Variants in ASB7 observed in about 807,000 individuals in gnomAD.
The protein encoded by ASB7 is ankyrin repeat and SOCS box containing 7, also known as ankyrin repeat and SOCS box protein 7.
Under a neutral mutation model 32.5 loss-of-function variants are expected in ASB7, and 4 were observed. The observed-to-expected ratio is 0.12, with a 90% CI of 0.06 to 0.28. The LOEUF is 0.28. ASB7 is among the 10% of genes least tolerant of loss of function. The pLI, the probability that ASB7 is intolerant of heterozygous loss-of-function variation, is 1.00. For missense variants in ASB7, 181 were observed against 407.1 expected (o/e 0.44, Z 4.78); for synonymous variants, 172 against 155.6 (o/e 1.11, Z -0.78).
intron 2 of ASB7, among the ~76,000 whole-genome samples, chr15:100,605,916 G>C (rs2039640838): frequency 6.6e-6 from 1 of 152,220 alleles, no homozygotes; most frequent in Non-Finnish European, 1.5e-5. Flanking sequence ...TGGATAAGTT[G>C]TGCATGGTAA....
At chr15:100,635,873 A>G (rs935430319) in intron 5 of ASB7, among the ~76,000 whole-genome samples, 2 of 152,156 alleles carry the variant, frequency 1.3e-5, no homozygotes, top group Non-Finnish European at 2.9e-5. Context: ...GTTCTGAGAA[A>G]GTCTTTCCCC....
chr15:100,650,387 A>G lies in ASB7; in HGVS notation c.*1925A>G, dbSNP rs908803586. On this transcript the variant is annotated 3_prime_UTR_variant, in exon 6 of 6. Transcript: ENST00000332783. Reference sequence around the variant, plus strand: ...AGTTCACACTAGCACTGTTAGGGACATGGTGTGGCTAGAAATGAATTGAGT... The same window carrying G: ...AGTTCACACTAGCACTGTTAGGGACGTGGTGTGGCTAGAAATGAATTGAGT... 6.6e-6 allele frequency: 1 copy of G among 152,244 alleles called. No individual in the cohort carries two copies. Among genetic ancestry groups the G allele is most frequent in the African/African-American group, 2.4e-5 (1 of 41,462 alleles). 9.4% of individuals were successfully genotyped at this position (152,244 alleles called of 1,614,324 possible).
chr15:100,630,470 T>G (rs779973156), intron 5 of ASB7, among the ~76,000 whole-genome samples: 2 of 152,236 alleles, frequency 1.3e-5, no homozygotes, highest in Non-Finnish European at 2.9e-5. Flanking sequence ...TGTGCTTTAT[T>G]GCTAAGTTGT....
Position 100,630,472 on chromosome 15 carries a change from C to T in ASB7, c.817+430C>T, listed in dbSNP as rs74894958. On this transcript the variant is annotated intron_variant, in intron 5 of 5. Transcript: ENST00000332783. ...ATATCCTAGAATTTGTGCTTTATTG[C>T]TAAGTTGTTCACGTTTTAATTGTGG... Among the ~76,000 whole-genome samples the T allele has an allele frequency of 4.7e-3, 718 of 152,276 alleles. 2 individuals carry two copies. Among genetic ancestry groups the T allele is most frequent in the African/African-American group, 0.016 (682 of 41,528 alleles).
intron 5 of ASB7, among the ~76,000 whole-genome samples, chr15:100,642,236 T>C (rs778091166): frequency 6.6e-6 from 1 of 152,234 alleles, no homozygotes. Context: ...GTGAGGATGG[T>C]AGCATTTCTG....
chr15:100,618,089 T>G (rs2039759581), intron 4 of ASB7, among the ~76,000 whole-genome samples: 1 of 152,142 alleles, frequency 6.6e-6, no homozygotes, highest in African/African-American at 2.4e-5. Flanking sequence ...CCTGTTACTT[T>G]CAAAACAGTA....
intron 5 of ASB7, among the ~76,000 whole-genome samples, chr15:100,641,966 C>G (rs938195723): frequency 2.0e-5 from 3 of 152,156 alleles, no homozygotes; most frequent in Non-Finnish European, 1.5e-5. Flanking sequence ...GGCCAGGAGC[C>G]AAATCCAGGC....
In ASB7 at chr15:100,631,162, G is replaced by A. The variant is rs78252316; in HGVS notation, c.817+1120G>A. ...CTAAAGCGTAAGAAAAAATCACACT[G>A]CTTAGTCTACTTAGTGCTGGCCAGT... On this transcript the variant is annotated intron_variant, in intron 5 of 5. Coordinates refer to ENST00000332783, the MANE Select transcript of ASB7 (RefSeq NM_198243.3). Among the ~76,000 whole-genome samples, 449 of 152,262 alleles carry A rather than the reference G, an allele frequency of 2.9e-3. 1 individual carries two copies. Among genetic ancestry groups the A allele is most frequent in the African/African-American group, 0.01 (424 of 41,558 alleles).
In ASB7 at chr15:100,602,938, G is replaced by T. The variant is rs1481489401; in HGVS notation, c.-381G>T. 2.5e-6 allele frequency: 1 copy of T among 399,032 alleles called. No individual in the cohort carries two copies. Among genetic ancestry groups the T allele is most frequent in the Non-Finnish European group, 4.4e-6 (1 of 226,388 alleles). The allele number at this position is 399,032 out of a possible 1,614,324, so 24.7% of individuals were successfully genotyped here. A position where few individuals can be genotyped will look rare whatever the true frequency, so the allele number is the denominator to read the frequency against. On this transcript the variant is annotated 5_prime_UTR_variant, in exon 1 of 6. Transcript: ENST00000332783. The stretch of plus-strand genomic sequence containing the variant: ...GCTGGGGCCGTGAGGCACCGAGGAG[G>T]ATCAGGAACACCAGGGTCCGGCCCT...
intron 4 of ASB7, among the ~76,000 whole-genome samples, chr15:100,618,621 T>G (rs1020714664): frequency 4.2e-4 from 39 of 93,856 alleles, no homozygotes; most frequent in Non-Finnish European, 9.8e-4. Context: ...GCTGTGTGTG[T>G]GGTGTGTGTG....
intron 4 of ASB7, among the ~76,000 whole-genome samples, chr15:100,621,738 CAG>C (rs1203801287): frequency 2.0e-5 from 3 of 150,870 alleles, no homozygotes; most frequent in Non-Finnish European, 4.4e-5. Context: ...AAATAATAAA[CAG>C]AATAATTGAA....
At chr15:100,640,336 G>A (rs2039952734) in intron 5 of ASB7, among the ~76,000 whole-genome samples, 1 of 152,120 alleles carries the variant, frequency 6.6e-6, no homozygotes, top group Non-Finnish European at 1.5e-5. Flanking sequence ...GTAGAGATGG[G>A]GTTTCGCCAT....
chr15:100,630,937 A>G (rs1451044998), intron 5 of ASB7, among the ~76,000 whole-genome samples: 3 of 152,322 alleles, frequency 2.0e-5, no homozygotes, highest in African/African-American at 4.8e-5. Flanking sequence ...GGTCATTATT[A>G]TACAAGAGGA....
rs2040025327 is a variant in ASB7 at position 100,650,591 on chromosome 15, G to C, written c.*2129G>C. 6.6e-6 allele frequency: 1 copy of C among 152,106 alleles called. No homozygotes were observed. Among genetic ancestry groups the C allele is most frequent in the African/African-American group, 2.4e-5 (1 of 41,422 alleles). 9.4% of individuals were successfully genotyped at this position (152,106 alleles called of 1,614,324 possible). A position where few individuals can be genotyped will look rare whatever the true frequency, so the allele number is the denominator to read the frequency against. On this transcript the variant is annotated 3_prime_UTR_variant, in exon 6 of 6. Transcript: ENST00000332783. ...ATTTTCTCTCCCCAGCCATTCAGAG[G>C]TTTCCAAACTAAGCCACTGAGTTTG...
At position 100,620,698 on chromosome 15, in the gene ASB7, T is replaced by C. The variant is rs144405667; in HGVS notation, c.211+8271T>C. On this transcript the variant is annotated intron_variant, in intron 4 of 5. Coordinates refer to ENST00000332783, the MANE Select transcript of ASB7 (RefSeq NM_198243.3). ...AGAATCGTGATGGAAGAGTCTCTATTATAAGGGTGGAAATTGTAACAAACT... is the reference window on the plus strand; with the variant it reads ...AGAATCGTGATGGAAGAGTCTCTATCATAAGGGTGGAAATTGTAACAAACT... Among the ~76,000 whole-genome samples, 306 of 152,332 alleles carry C rather than the reference T, an allele frequency of 2.0e-3. 1 individual carries two copies. Among genetic ancestry groups the C allele is most frequent in the Non-Finnish European group, 3.3e-3 (226 of 68,036 alleles).
At chr15:100,641,463 G>A (rs1260488746) in intron 5 of ASB7, among the ~76,000 whole-genome samples, 1 of 152,182 alleles carries the variant, frequency 6.6e-6, no homozygotes, top group African/African-American at 2.4e-5. Context: ...AGCAATACTG[G>A]TACATGGCAA....
intron 5 of ASB7, among the ~76,000 whole-genome samples, chr15:100,639,245 TA>T (rs1295126199): frequency 6.6e-6 from 1 of 152,246 alleles, no homozygotes; most frequent in South Asian, 2.1e-4. Flanking sequence ...GTACTTAAAC[TA>T]GGTGCTTTCT....
intron 2 of ASB7, among the ~76,000 whole-genome samples, chr15:100,606,277 A>G (rs2039644376): frequency 6.6e-6 from 1 of 152,154 alleles, no homozygotes; most frequent in African/African-American, 2.4e-5. Flanking sequence ...TACTTTGCAA[A>G]GAAATGCTTA....
chr15:100,642,439 A>G (rs1193080981), intron 5 of ASB7, among the ~76,000 whole-genome samples: 1 of 152,266 alleles, frequency 6.6e-6, no homozygotes, highest in Non-Finnish European at 1.5e-5. Context: ...ACTTTGCACT[A>G]TTACATACAT....
Sources: gnomAD v4.1 joint callset for allele counts (sites outside exome capture counted in the v4.1 genomes callset) on GRCh38, gnomAD v4.1.1 for gene constraint, MANE v1.5 for transcripts, NCBI Gene and HGNC (gene_info 2026-07-23, HGNC 2026-07-21) for gene names.